The following KDM2A variants were observed in gnomAD, a reference collection of about 807,000 sequenced individuals.
KDM2A encodes lysine demethylase 2A.
A neutral mutation model predicts 137.3 loss-of-function variants in KDM2A; 3 were observed. The observed-to-expected ratio is 0.02, with a 90% CI of 0.01 to 0.06. KDM2A has a LOEUF of 0.06. Ranked by LOEUF, KDM2A falls within the 10% of genes least tolerant of loss-of-function variation. KDM2A has a pLI of 1.00. For synonymous variants in KDM2A, 512 were observed against 541.5 expected (o/e 0.95, Z 0.76); for missense variants, 738 against 1,510.6 (o/e 0.49, Z 8.48).
chr11:67,202,600 G>C (rs912272801), intron 5 of KDM2A, among the ~76,000 whole-genome samples: 1 of 151,414 alleles, frequency 6.6e-6, no homozygotes, highest in Non-Finnish European at 1.5e-5. Flanking sequence ...GTGAAACCCC[G>C]TCTCTACTAA....
chr11:67,214,337 T>TG (rs1486661140), intron 6 of KDM2A, among the ~76,000 whole-genome samples: 1 of 151,660 alleles, frequency 6.6e-6, no homozygotes, highest in East Asian at 1.9e-4. Context: ...CCCGAGTAGC[T>TG]GGGACTACGG....
chr11:67,174,075 T>A (rs1420441397), intron 2 of KDM2A, among the ~76,000 whole-genome samples: 1 of 152,194 alleles, frequency 6.6e-6, no homozygotes, highest in Non-Finnish European at 1.5e-5. Flanking sequence ...CTGGTCAGCA[T>A]GTCGAAACCT....
At chr11:67,120,459 C>A (rs754276938) in intron 1 of KDM2A, among the ~76,000 whole-genome samples, 5 of 152,224 alleles carry the variant, frequency 3.3e-5, no homozygotes, top group Non-Finnish European at 7.3e-5. Flanking sequence ...AAAAAGAAAA[C>A]CCTTTCTTGG....
chr11:67,124,480 T>G (rs1342597270), intron 2 of KDM2A, among the ~76,000 whole-genome samples: 1 of 151,458 alleles, frequency 6.6e-6, no homozygotes, highest in African/African-American at 2.4e-5. Context: ...CCCGGCTAAT[T>G]TTTTTGTATT....
At chr11:67,215,732 C>A in intron 7 of KDM2A, 124 bp from the exon 8 acceptor site, 1 of 762,296 alleles carries the variant, frequency 1.3e-6, no homozygotes, top group Non-Finnish European at 2.2e-6. Flanking sequence ...TGCTTTTTCT[C>A]CTTCTGGAAC....
At chr11:67,174,899 T>G (rs1856946560) in intron 2 of KDM2A, among the ~76,000 whole-genome samples, 1 of 152,216 alleles carries the variant, frequency 6.6e-6, no homozygotes, top group Non-Finnish European at 1.5e-5. Flanking sequence ...TTTATACTTG[T>G]TACTTACTGT....
chr11:67,139,124 A>G (rs1046885087), intron 2 of KDM2A, among the ~76,000 whole-genome samples: 1 of 152,102 alleles, frequency 6.6e-6, no homozygotes, highest in Non-Finnish European at 1.5e-5. Context: ...AATAACCTTC[A>G]GTGAGTACAG....
intron 2 of KDM2A, among the ~76,000 whole-genome samples, chr11:67,123,057 A>G (rs994803066): frequency 6.6e-6 from 1 of 151,750 alleles, no homozygotes; most frequent in Admixed American, 6.6e-5. Flanking sequence ...TGTAGCCTCA[A>G]ATTCCTGGGC....
At chr11:67,143,819 G>C (rs1417583261) in intron 2 of KDM2A, among the ~76,000 whole-genome samples, 1 of 151,814 alleles carries the variant, frequency 6.6e-6, no homozygotes, top group Non-Finnish European at 1.5e-5. Context: ...TTTTAGTACA[G>C]ACAGGGTTTT....
At chr11:67,176,597 A>G (rs1404548675) in intron 2 of KDM2A, among the ~76,000 whole-genome samples, 1 of 152,206 alleles carries the variant, frequency 6.6e-6, no homozygotes, top group Non-Finnish European at 1.5e-5. Flanking sequence ...TGTACTAACA[A>G]TCTAGAGTGT....
chr11:67,171,013 G>T (rs1267430535), intron 2 of KDM2A, among the ~76,000 whole-genome samples: 1 of 151,896 alleles, frequency 6.6e-6, no homozygotes, highest in East Asian at 1.9e-4. Flanking sequence ...TGGTAAAGAG[G>T]GTATTAATAT....
At chr11:67,241,885 A>G (rs1001913207) in intron 12 of KDM2A, among the ~76,000 whole-genome samples, 6 of 152,134 alleles carry the variant, frequency 3.9e-5, no homozygotes, top group Admixed American at 6.5e-5. Context: ...CCTGGCCAAC[A>G]TGGTGAAACT....
intron 6 of KDM2A, among the ~76,000 whole-genome samples, chr11:67,212,862 G>A (rs1054136081): frequency 5.3e-5 from 8 of 152,228 alleles, no homozygotes; most frequent in Middle Eastern, 3.4e-3. Context: ...TATTAAGCAA[G>A]TACTTTATTC....
chr11:67,215,035 G>A (rs1858117762), intron 6 of KDM2A, among the ~76,000 whole-genome samples: 2 of 151,966 alleles, frequency 1.3e-5, no homozygotes, highest in South Asian at 2.1e-4. Context: ...AATTATATAA[G>A]TATTGACATA....
At chr11:67,146,128 A>G (rs1856241713) in intron 2 of KDM2A, among the ~76,000 whole-genome samples, 1 of 150,786 alleles carries the variant, frequency 6.6e-6, no homozygotes, top group African/African-American at 2.4e-5. Context: ...AGTAGCTGGG[A>G]TTTCAGGCGC....
At chr11:67,174,529 A>G (rs546987419) in intron 2 of KDM2A, among the ~76,000 whole-genome samples, 6 of 152,214 alleles carry the variant, frequency 3.9e-5, no homozygotes, top group African/African-American at 1.2e-4. Flanking sequence ...ACTTGCATCT[A>G]GTGTTGCTTC....
intron 5 of KDM2A, among the ~76,000 whole-genome samples, chr11:67,200,538 G>A (rs1857594154): frequency 6.6e-6 from 1 of 151,924 alleles, no homozygotes; most frequent in African/African-American, 2.4e-5. Context: ...TTAAGACAAG[G>A]TCTCATTCTG....
Position 67,250,923 on chromosome 11 carries a change from C to G in KDM2A, c.2768+125C>G. The G allele has an allele frequency of 1.4e-6, 1 of 737,778 alleles. No homozygotes were observed. The highest frequency in any genetic ancestry group is 1.7e-5 in the African/African-American group (1 of 57,166). The allele number at this position is 737,778 out of a possible 1,614,324, so 45.7% of individuals were successfully genotyped here. On this transcript the variant is annotated intron_variant, in intron 17 of 20. Transcript: ENST00000529006. This position sits in a 1 kb window ranked among gnomAD's most constrained non-coding sequence, Gnocchi z 7.1. ...GGGTCTTATGAGGAGTGAATTGACC[C>G]TTTTTCCCAAACTTTGGGTCCTGTT... is the stretch of plus-strand genomic sequence containing the variant.
At position 67,215,329 on chromosome 11, in the gene KDM2A, T is replaced by C. The variant is rs1858129211; in HGVS notation, c.487-11T>C. The C allele has an allele frequency of 1.9e-6, 3 of 1,590,022 alleles. No homozygotes were observed. Among genetic ancestry groups the C allele is most frequent in the Non-Finnish European group, 2.6e-6 (3 of 1,159,454 alleles). On this transcript the variant is annotated splice_polypyrimidine_tract_variant and intron_variant, in intron 6 of 20. Transcript: ENST00000529006. ...CCTTGGAGCCCAAGTGTTTCCTCCTTCTATTTAAAGGTGGATTTCATTGAC... is the reference window on the plus strand; with the variant it reads ...CCTTGGAGCCCAAGTGTTTCCTCCTCCTATTTAAAGGTGGATTTCATTGAC...
Sources: gnomAD v4.1 joint callset for allele counts (sites outside exome capture counted in the v4.1 genomes callset) on GRCh38, gnomAD v4.1.1 for gene constraint, Gnocchi (gnomAD v3.1) non-coding constraint, MANE v1.5 for transcripts, NCBI Gene and HGNC (gene_info 2026-07-23, HGNC 2026-07-21) for gene names.